The following PTPRD variants were observed in gnomAD, a reference collection of about 807,000 sequenced individuals.
The protein encoded by PTPRD is protein tyrosine phosphatase receptor type D.
In PTPRD, 34 loss-of-function variants were observed where a neutral mutation model predicts 214.5. The observed-to-expected ratio is 0.16, with a 90% confidence interval of 0.12 to 0.21. The LOEUF is 0.21. Among genes scored for constraint, PTPRD ranks in the 10% least tolerant of loss-of-function variants. The pLI is 1.00. For synonymous variants in PTPRD, 1,128 were observed against 845.7 expected (o/e 1.33, Z -5.79); for missense variants, 2,545 against 2,398.7 (o/e 1.06, Z -1.27).
chr9:9,316,821 G>A (rs929322910), intron 9 of PTPRD, among the ~76,000 whole-genome samples: 4 of 152,216 alleles, frequency 2.6e-5, no homozygotes, highest in East Asian at 3.9e-4. Context: ...CTGGGACTAC[G>A]TGGTAATTCT....
At chr9:8,488,880 G>A (rs2097092146) in intron 27 of PTPRD, among the ~76,000 whole-genome samples, 1 of 152,058 alleles carries the variant, frequency 6.6e-6, no homozygotes, top group South Asian at 2.1e-4. Context: ...CGAGTGGGTG[G>A]AAACACAACT....
intron 11 of PTPRD, among the ~76,000 whole-genome samples, chr9:8,996,339 A>G (rs1050550851): frequency 6.6e-6 from 1 of 152,104 alleles, no homozygotes; most frequent in Admixed American, 6.6e-5. Context: ...TAGGATGTCA[A>G]ATGCAATACA....
chr9:9,529,582 T>G (rs1459764313), intron 8 of PTPRD, among the ~76,000 whole-genome samples: 1 of 152,046 alleles, frequency 6.6e-6, no homozygotes, highest in Admixed American at 6.6e-5. Flanking sequence ...AAAATCACAG[T>G]AAGATAGGAC....
chr9:10,348,847 G>C (rs891295538), intron 2 of PTPRD, among the ~76,000 whole-genome samples: 18 of 152,088 alleles, frequency 1.2e-4, no homozygotes, highest in African/African-American at 3.6e-4. Context: ...AAATAAGATG[G>C]CTACAAAGAT....
intron 27 of PTPRD, 121 bp downstream of exon 27, chr9:8,492,741 T>C: frequency 1.7e-6 from 1 of 606,012 alleles, no homozygotes; most frequent in Non-Finnish European, 2.6e-6. Context: ...AACACAAAAG[T>C]TGACCATAGT....
chr9:10,062,592 G>A (rs772958605), intron 3 of PTPRD, among the ~76,000 whole-genome samples: 1 of 152,152 alleles, frequency 6.6e-6, no homozygotes, highest in East Asian at 1.9e-4. Flanking sequence ...GGCGAAAAGA[G>A]TGAAACTCAG....
At chr9:9,495,316 A>T (rs997924358) in intron 8 of PTPRD, among the ~76,000 whole-genome samples, 1 of 151,566 alleles carries the variant, frequency 6.6e-6, no homozygotes, top group Admixed American at 6.6e-5. Context: ...AAGCCAAAAA[A>T]AAAAAAAAAG....
At chr9:8,901,913 C>T (rs1177753115) in intron 11 of PTPRD, among the ~76,000 whole-genome samples, 1 of 152,120 alleles carries the variant, frequency 6.6e-6, no homozygotes, top group African/African-American at 2.4e-5. Flanking sequence ...GGAACAAGTA[C>T]CAGCTCTCTG....
chr9:8,332,999 T>G (rs933508919), intron 43 of PTPRD, among the ~76,000 whole-genome samples: 2 of 152,108 alleles, frequency 1.3e-5, no homozygotes, highest in Non-Finnish European at 2.9e-5. Flanking sequence ...TCACTCATAT[T>G]GAGAAGAGAG....
chr9:9,013,988 G>C (rs1005575075), intron 11 of PTPRD, among the ~76,000 whole-genome samples: 2 of 151,944 alleles, frequency 1.3e-5, no homozygotes, highest in East Asian at 3.9e-4. Context: ...CCTCACTCTT[G>C]AACTCTTGGC....
At chr9:8,535,261 C>T (rs1000571541) in intron 14 of PTPRD, among the ~76,000 whole-genome samples, 3 of 151,790 alleles carry the variant, frequency 2.0e-5, no homozygotes, top group Admixed American at 6.6e-5. Flanking sequence ...CTTGATCAAA[C>T]AAGTAGTGCA....
At chr9:10,157,465 C>A (rs78451595) in intron 3 of PTPRD, among the ~76,000 whole-genome samples, 2 of 152,152 alleles carry the variant, frequency 1.3e-5, no homozygotes, top group Non-Finnish European at 2.9e-5. Context: ...GGCCTTCAGT[C>A]TCTTCTGGAT....
rs570199419 is a variant in PTPRD, at chr9:8,474,661, T to G, written c.3414-3576A>C. 8.5e-5 allele frequency among the ~76,000 whole-genome samples: 13 copies of G among 152,268 alleles called. No homozygotes were observed. The South Asian group carries it at 2.7e-3, about 32-fold the overall frequency. On this transcript the variant is annotated intron_variant, in intron 30 of 45. Coordinates refer to ENST00000381196, the MANE Select transcript of PTPRD (RefSeq NM_002839.4). ...GTCCTTCCATTTTCCACAGTAACAT[T>G]TTCACTTTCTCCTCTAGCCTGAAAC... is the stretch of plus-strand genomic sequence containing the variant.
At chr9:10,590,802 C>T (rs1222294605) in intron 2 of PTPRD, among the ~76,000 whole-genome samples, 2 of 151,808 alleles carry the variant, frequency 1.3e-5, no homozygotes, top group Admixed American at 6.6e-5. Flanking sequence ...AACAAAAACC[C>T]ATTCATTATT....
At chr9:9,698,583 T>A (rs1245718238) in intron 7 of PTPRD, among the ~76,000 whole-genome samples, 1 of 152,188 alleles carries the variant, frequency 6.6e-6, no homozygotes. Flanking sequence ...CAAAGTTTTC[T>A]GGTCTGGTAA....
intron 11 of PTPRD, among the ~76,000 whole-genome samples, chr9:8,929,566 T>C (rs924885686): frequency 6.6e-6 from 1 of 151,832 alleles, no homozygotes; most frequent in African/African-American, 2.4e-5. Context: ...ATAAGCTTTT[T>C]GATGTGCTGC....
chr9:8,987,819 G>A (rs893777968), intron 11 of PTPRD, among the ~76,000 whole-genome samples: 1 of 152,144 alleles, frequency 6.6e-6, no homozygotes, highest in African/African-American at 2.4e-5. Flanking sequence ...AATATATTTA[G>A]TTGGAAATGT....
chr9:8,614,478 G>T (rs1028757255), intron 14 of PTPRD, among the ~76,000 whole-genome samples: 2 of 152,254 alleles, frequency 1.3e-5, no homozygotes, highest in East Asian at 1.9e-4. Flanking sequence ...GCTGAATGTT[G>T]TAAGGAAGGC....
intron 8 of PTPRD, among the ~76,000 whole-genome samples, chr9:9,401,488 G>A (rs1017370476): frequency 1.2e-4 from 19 of 152,038 alleles, no homozygotes; most frequent in African/African-American, 4.3e-4. Context: ...AAGGAACTGA[G>A]TATGAAGGGT....
Sources: gnomAD v4.1 joint callset for allele counts (sites outside exome capture counted in the v4.1 genomes callset) on GRCh38, gnomAD v4.1.1 for gene constraint, MANE v1.5 for transcripts, NCBI Gene and HGNC (gene_info 2026-07-23, HGNC 2026-07-21) for gene names.